ADAMTS2: variants seen among roughly 807,000 people sequenced by gnomAD.
ADAMTS2 encodes the protein A disintegrin and metalloproteinase with thrombospondin motifs 2.
In ADAMTS2, 50 loss-of-function variants were observed where a neutral mutation model predicts 123.0. The observed-to-expected ratio is 0.41, with a 90% CI of 0.32 to 0.51. The LOEUF (loss-of-function observed/expected upper bound fraction) is 0.51. ADAMTS2 is among the 20% of genes least tolerant of loss of function. ADAMTS2 has a pLI of 0.35. For missense variants in ADAMTS2, 1,494 were observed against 1,705.2 expected (o/e 0.88, Z 2.18); for synonymous variants, 678 against 695.4 (o/e 0.98, Z 0.39).
At chr5:179,209,479 C>G (rs1764797551) in intron 3 of ADAMTS2, among the ~76,000 whole-genome samples, 1 of 152,166 alleles carries the variant, frequency 6.6e-6, no homozygotes, top group African/African-American at 2.4e-5. Context: ...CTTGTGCCAC[C>G]CCCAGCTCCA....
intron 2 of ADAMTS2, among the ~76,000 whole-genome samples, chr5:179,330,763 C>T (rs1302250799): frequency 6.6e-6 from 1 of 152,202 alleles, no homozygotes; most frequent in Non-Finnish European, 1.5e-5. Flanking sequence ...GAGGACACAG[C>T]CCGTGACAGC....
At chr5:179,140,171 C>T (rs1763138703) in intron 10 of ADAMTS2, 136 bp from the exon 11 acceptor site, 1 of 1,309,730 alleles carries the variant, frequency 7.6e-7, no homozygotes, top group Non-Finnish European at 1.1e-6. Flanking sequence ...CCCTCCTCGC[C>T]CCTAGATGCT....
intron 5 of ADAMTS2, among the ~76,000 whole-genome samples, chr5:179,163,397 G>A (rs140603081): frequency 2.0e-5 from 3 of 152,306 alleles, no homozygotes; most frequent in East Asian, 1.9e-4. Context: ...AGCAACATCC[G>A]CCCAGTGCTG....
chr5:179,241,078 G>A (rs1765657809), intron 3 of ADAMTS2, among the ~76,000 whole-genome samples: 1 of 152,176 alleles, frequency 6.6e-6, no homozygotes, highest in South Asian at 2.1e-4. Context: ...TAGCTGCATG[G>A]GTGAGGTAGA....
intron 3 of ADAMTS2, among the ~76,000 whole-genome samples, chr5:179,216,155 C>A (rs1267951579): frequency 1.3e-5 from 2 of 152,204 alleles, no homozygotes; most frequent in Non-Finnish European, 2.9e-5. Context: ...GCCTGGGAGG[C>A]CCATGGAGGG....
Position 179,127,958 on chromosome 5 carries a change from C to A in ADAMTS2, c.2617+1G>T. The A allele has an allele frequency of 6.2e-7, 1 of 1,613,704 alleles. No individual in the cohort carries two copies. On this transcript the variant is annotated splice_donor_variant, in intron 17 of 21. Coordinates refer to ENST00000251582, the MANE Select transcript of ADAMTS2 (RefSeq NM_014244.5). LOFTEE classifies it high-confidence loss of function. ...GGTCCCCAGCTTCGAGACCCCCTCACCTCCGCCACAGGGCTTGGAGCACGG... is the reference window on the plus strand; with the variant it reads ...GGTCCCCAGCTTCGAGACCCCCTCAACTCCGCCACAGGGCTTGGAGCACGG...
At chr5:179,220,699 A>G (rs925917778) in intron 3 of ADAMTS2, among the ~76,000 whole-genome samples, 1 of 152,104 alleles carries the variant, frequency 6.6e-6, no homozygotes, top group African/African-American at 2.4e-5. Flanking sequence ...TCCTGACTCC[A>G]GCAGCATCTG....
intron 3 of ADAMTS2, among the ~76,000 whole-genome samples, chr5:179,224,161 A>G (rs1300743134): frequency 1.3e-5 from 2 of 152,132 alleles, no homozygotes; most frequent in Non-Finnish European, 2.9e-5. Context: ...GGAGAGCATG[A>G]GGGCGGCGTG....
intron 4 of ADAMTS2, among the ~76,000 whole-genome samples, chr5:179,203,672 T>A (rs899501576): frequency 6.6e-6 from 1 of 152,004 alleles, no homozygotes; most frequent in Admixed American, 6.5e-5. Context: ...CCAAACAAAG[T>A]ACTCTTCGGG....
At chr5:179,137,986 A>T in intron 11 of ADAMTS2, 42 bp from the exon 12 acceptor site, 3 of 1,537,582 alleles carry the variant, frequency 2.0e-6, no homozygotes, top group Non-Finnish European at 2.6e-6. Flanking sequence ...GTGCCATTGG[A>T]AAGAGGCAGC....
chr5:179,131,631 G>GGAC (rs1762964552), intron 15 of ADAMTS2, among the ~76,000 whole-genome samples: 1 of 152,042 alleles, frequency 6.6e-6, no homozygotes, highest in Admixed American at 6.5e-5. Context: ...GAGGGAGGGT[G>GGAC]GACAGGTCCT....
rs960027915 is a variant in ADAMTS2 at position 179,180,651 on chromosome 5, G to T, written c.975+421C>A. On this transcript the variant is annotated intron_variant, in intron 5 of 21. Transcript: ENST00000251582. This position sits in a 1 kb window ranked among gnomAD's most constrained non-coding sequence, Gnocchi z 4.6. ...TTACCCAGAAAACTAACTCAGGACCGCTCCACTCCCCAGAGCCCACTGGAA... is the reference window on the plus strand; with the variant it reads ...TTACCCAGAAAACTAACTCAGGACCTCTCCACTCCCCAGAGCCCACTGGAA... 3.3e-5 allele frequency among the ~76,000 whole-genome samples: 5 copies of T among 151,920 alleles called. No homozygotes were observed. In the East Asian group the frequency reaches 9.7e-4, roughly 29 times the overall value.
chr5:179,245,174 G>A (rs932502317), intron 3 of ADAMTS2, among the ~76,000 whole-genome samples: 10 of 152,276 alleles, frequency 6.6e-5, no homozygotes, highest in African/African-American at 1.9e-4. Flanking sequence ...ATGGCTGCAC[G>A]GGAAGGACTT....
rs867524760 is a variant in ADAMTS2, at chr5:179,260,400, C to T, written c.688+12511G>A. 5.9e-5 allele frequency among the ~76,000 whole-genome samples: 9 copies of T among 152,222 alleles called. No homozygotes were observed. The highest frequency in any genetic ancestry group is 2.2e-4 in the African/African-American group (9 of 41,442). On this transcript the variant is annotated intron_variant, in intron 3 of 21. Transcript: ENST00000251582. The surrounding 1 kb of genome is among the most constrained non-coding windows in gnomAD (Gnocchi z 4.2). ...AAAGATTCTCCCCGAAGCTAACGTG[C>T]TAAGTGACCTGGAGACACATCCTCA...
At chr5:179,196,201 A>G (rs964769840) in intron 4 of ADAMTS2, among the ~76,000 whole-genome samples, 1 of 152,226 alleles carries the variant, frequency 6.6e-6, no homozygotes, top group African/African-American at 2.4e-5. Context: ...TAAATTAGAA[A>G]TGAAAAGAGG....
rs187561509 is a variant in ADAMTS2, at chr5:179,236,063, G to A, written c.689-28348C>T. ...CCTCAAAGCCTCTTGGCACATCTCA[G>A]CTTCCAGATGTCCTGTGCCTTGTGA... On this transcript the variant is annotated intron_variant, in intron 3 of 21. Transcript: ENST00000251582. Among the ~76,000 whole-genome samples, 486 of 152,318 alleles carry A rather than the reference G, an allele frequency of 3.2e-3. 2 individuals carry two copies. The highest frequency in any genetic ancestry group is 0.011 in the African/African-American group (467 of 41,564).
At chr5:179,212,886 A>G (rs1003794907) in intron 3 of ADAMTS2, among the ~76,000 whole-genome samples, 1 of 152,034 alleles carries the variant, frequency 6.6e-6, no homozygotes. Context: ...GCTCAGTCCT[A>G]TGCCTTTTCT....
rs1454481792 is a variant in ADAMTS2 at position 179,136,189 on chromosome 5, A to G, written c.1952-147T>C. On this transcript the variant is annotated intron_variant, in intron 12 of 21. Transcript: ENST00000251582. ...AGACAGAGAGGGAAAGGGGTGGGTG[A>G]CAGCAGCCCCCTTCCTGTCTCTGTG... The G allele has an allele frequency of 3.5e-6, 4 of 1,139,654 alleles. No homozygotes were observed. In the African/African-American group the frequency reaches 6.1e-5, roughly 17 times the overall value. The allele number at this position is 1,139,654 out of a possible 1,614,324, so 70.6% of individuals were successfully genotyped here.
intron 3 of ADAMTS2, among the ~76,000 whole-genome samples, chr5:179,214,005 C>T (rs986322284): frequency 7.2e-5 from 11 of 152,178 alleles, no homozygotes; most frequent in Admixed American, 1.3e-4. Context: ...AGCCAGAACA[C>T]GTGACCTTGT....
Sources: gnomAD v4.1 joint callset for allele counts (sites outside exome capture counted in the v4.1 genomes callset) on GRCh38, gnomAD v4.1.1 for gene constraint, Gnocchi (gnomAD v3.1) non-coding constraint, MANE v1.5 for transcripts, NCBI Gene and HGNC (gene_info 2026-07-23, HGNC 2026-07-21) for gene names.